Variants in LAMA5 observed in about 807,000 individuals in gnomAD.
LAMA5 encodes the protein laminin subunit alpha-5.
A neutral mutation model predicts 433.4 loss-of-function variants in LAMA5; 260 were observed. The ratio of observed to expected loss-of-function variants is 0.60; its 90% CI spans 0.54 to 0.66. LAMA5 has a LOEUF of 0.66. Ranked by LOEUF, LAMA5 falls within the 30% of genes least tolerant of loss-of-function variation. The pLI, the probability that LAMA5 is intolerant of heterozygous loss-of-function variation, is 0.00. For synonymous variants in LAMA5, 2,620 were observed against 2,226.6 expected (o/e 1.18, Z -4.97); for missense variants, 5,378 against 5,258.5 (o/e 1.02, Z -0.70).
At position 62,335,288 on chromosome 20, in the gene LAMA5, G is replaced by A. The variant is rs73313222; in HGVS notation, c.2324-19C>T. 103,331 of 1,610,748 alleles carry A rather than the reference G, an allele frequency of 0.064. 4,437 individuals carry two copies. The highest frequency in any genetic ancestry group is 0.17 in the South Asian group (15,082 of 90,948). On this transcript the variant is annotated intron_variant, in intron 18 of 79. Coordinates refer to ENST00000252999, the MANE Select transcript of LAMA5 (RefSeq NM_005560.6). ...CTGCAGCCTGGGGAGAGCAGGGCAG[G>A]ACTCAGATGCTTGGTGGGGCAGGAG...
chr20:62,332,980 T>C (rs1190985649), intron 26 of LAMA5, 110 bp downstream of exon 26: 16 of 892,498 alleles, frequency 1.8e-5, no homozygotes, highest in Admixed American at 1.7e-4. Context: ...CTGGGCTCCA[T>C]TGCCTGAGGC....
intron 1 of LAMA5, among the ~76,000 whole-genome samples, chr20:62,365,119 G>A (rs1986576607): frequency 6.6e-6 from 1 of 152,280 alleles, no homozygotes; most frequent in Non-Finnish European, 1.5e-5. Context: ...GCCTCAGCGG[G>A]CACTCACTGC....
chr20:62,340,914 A>T (rs944632110), intron 11 of LAMA5, among the ~76,000 whole-genome samples: 1 of 151,642 alleles, frequency 6.6e-6, no homozygotes, highest in Non-Finnish European at 1.5e-5. Context: ...GGGCGCCTAT[A>T]ATCAGTCCCA....
chr20:62,337,324 CAT>C (rs925517007), intron 16 of LAMA5, among the ~76,000 whole-genome samples: 15 of 152,216 alleles, frequency 9.9e-5, no homozygotes, highest in African/African-American at 2.2e-4. Context: ...ACAAGCAACA[CAT>C]GACACCCGTA....
chr20:62,362,153 G>A (rs915788791), intron 2 of LAMA5, among the ~76,000 whole-genome samples: 1 of 152,244 alleles, frequency 6.6e-6, no homozygotes, highest in African/African-American at 2.4e-5. Flanking sequence ...TGTGGCCTTT[G>A]GAAACACCCC....
chr20:62,349,577 C>T (rs549066386), intron 6 of LAMA5, among the ~76,000 whole-genome samples: 38 of 126,372 alleles, frequency 3.0e-4, no homozygotes, highest in Middle Eastern at 4.3e-3. Flanking sequence ...CAGACAATTC[C>T]GGATAGACTG....
intron 31 of LAMA5, 86 bp from the exon 32 acceptor site, chr20:62,330,002 A>G: frequency 6.6e-7 from 1 of 1,509,878 alleles, no homozygotes; most frequent in Non-Finnish European, 8.8e-7. Flanking sequence ...GCGTTGGGGC[A>G]GCCAAGGAGT....
At chr20:62,336,248 G>A (rs567446620) in intron 18 of LAMA5, 92 bp downstream of exon 18, 5 of 927,148 alleles carry the variant, frequency 5.4e-6, no homozygotes, top group Middle Eastern at 2.3e-4. Flanking sequence ...GCCCCTCCAG[G>A]AACCCTGCAC....
intron 28 of LAMA5, among the ~76,000 whole-genome samples, chr20:62,332,105 T>G (rs1980573282): frequency 6.6e-6 from 1 of 151,578 alleles, no homozygotes. Flanking sequence ...ACGCTGTCTG[T>G]GCCAGGAGGT....
Position 62,330,738 on chromosome 20 carries a change from C to G in LAMA5, c.3852+5G>C. 1 of 1,558,508 alleles carries G rather than the reference C, an allele frequency of 6.4e-7. No homozygotes were observed. The highest frequency in any genetic ancestry group is 1.2e-5 in the South Asian group (1 of 84,654). On this transcript the variant is annotated splice_donor_5th_base_variant and intron_variant, in intron 30 of 79. Transcript: ENST00000252999. ...CCCCGTCCCTCTAGAGACTATGGCCCTCACCTGGGGCTCACGCAGCAGGGT... is the reference window on the plus strand; with the variant it reads ...CCCCGTCCCTCTAGAGACTATGGCCGTCACCTGGGGCTCACGCAGCAGGGT...
At position 62,332,960 on chromosome 20, in the gene LAMA5, T is replaced by G. The variant is rs909504773; in HGVS notation, c.3282+130A>C. 4 of 155,426 alleles carry G rather than the reference T, an allele frequency of 2.6e-5. No individual in the cohort carries two copies. The Admixed American group carries it at 5.9e-4, about 23-fold the overall frequency. 9.6% of individuals were successfully genotyped at this position (155,426 alleles called of 1,614,324 possible). A position where few individuals can be genotyped will look rare whatever the true frequency, so the allele number is the denominator to read the frequency against. ...CAGGAGGCAGGAGGCAGGGGCGCCCTGCCTGGGTGCTGGGCTCCATTGCCT... is the reference window on the plus strand; with the variant it reads ...CAGGAGGCAGGAGGCAGGGGCGCCCGGCCTGGGTGCTGGGCTCCATTGCCT... On this transcript the variant is annotated intron_variant, in intron 26 of 79. Coordinates refer to ENST00000252999, the MANE Select transcript of LAMA5 (RefSeq NM_005560.6).
chr20:62,328,462 G>A lies in LAMA5; in HGVS notation c.4448-17C>T. On this transcript the variant is annotated splice_polypyrimidine_tract_variant and intron_variant, in intron 34 of 79. Transcript: ENST00000252999. ...AGTCACAGGCTGTGGGGCGGGTACA[G>A]GGTTTACTGACCCCTCTTCCCAGTC... The A allele has an allele frequency of 6.8e-7, 1 of 1,473,554 alleles. No homozygotes were observed. Among genetic ancestry groups the A allele is most frequent in the African/African-American group, 1.4e-5 (1 of 71,434 alleles). 91.3% of individuals were successfully genotyped at this position (1,473,554 alleles called of 1,614,324 possible).
At position 62,315,225 on chromosome 20, in the gene LAMA5, C is replaced by T; in HGVS notation, c.7868-18G>A. On this transcript the variant is annotated intron_variant, in intron 58 of 79. Transcript: ENST00000252999. ...TGTCTCGTCTGTGGTGGGCAGAGGG[C>T]AGGCTCAGCAGGGGCCAGCGGGGAC... The T allele has an allele frequency of 2.5e-6, 4 of 1,586,452 alleles. No homozygotes were observed. The highest frequency in any genetic ancestry group is 3.4e-6 in the Non-Finnish European group (4 of 1,165,428).
rs776623740 is a variant in LAMA5, at chr20:62,310,405, C to T, written c.10600+14G>A. 53 of 1,590,256 alleles carry T rather than the reference C, an allele frequency of 3.3e-5. No individual in the cohort carries two copies. Among genetic ancestry groups the T allele is most frequent in the Non-Finnish European group, 3.9e-5 (46 of 1,171,158 alleles). ...CCTGCCCTGCTGAGGCCTGGGATGC[C>T]AGCACCCACAGACCTAAAGTGATAA... On this transcript the variant is annotated intron_variant, in intron 76 of 79. Coordinates refer to ENST00000252999, the MANE Select transcript of LAMA5 (RefSeq NM_005560.6).
intron 32 of LAMA5, 109 bp from the exon 33 acceptor site, chr20:62,329,362 G>T: frequency 1.3e-6 from 1 of 763,870 alleles, no homozygotes; most frequent in Non-Finnish European, 2.1e-6. Flanking sequence ...AGTCCTGGCA[G>T]CAGCAGCCCA....
Position 62,312,891 on chromosome 20 carries a change from C to T in LAMA5, c.9075G>A (p.Lys3025=). ...CTGGTCCCCACCCTGGCCCTACCGC[C>T]TTGCTGGCCGAGGTCAGGGGCGGTG... ...QPPPPLTSAS[K]AIQVFLLGGS... Residue 3025 remains lysine (K), a synonymous_variant, in exon 66 of 80, where the codon AAG becomes AAA. Transcript: ENST00000252999. The T allele has an allele frequency of 1.9e-6, 3 of 1,587,900 alleles. No homozygotes were observed. The African/African-American group carries it at 4.0e-5, about 21-fold the overall frequency.
intron 28 of LAMA5, among the ~76,000 whole-genome samples, chr20:62,331,427 C>A (rs1277353448): frequency 6.6e-6 from 1 of 152,120 alleles, no homozygotes; most frequent in Non-Finnish European, 1.5e-5. Flanking sequence ...CCTCCTCCAG[C>A]TGCACAAACC....
intron 70 of LAMA5, 32 bp from the exon 71 acceptor site, chr20:62,311,816 T>TGGGGCCCCCCC: frequency 3.9e-6 from 6 of 1,520,982 alleles, no homozygotes; most frequent in South Asian, 1.2e-5. Context: ...GCTCGGTTTT[T>TGGGGCCCCCCC]CCCCACCCTG....
At chr20:62,319,149 C>T in intron 51 of LAMA5, 136 bp from the exon 52 acceptor site, 1 of 905,958 alleles carries the variant, frequency 1.1e-6, no homozygotes, top group South Asian at 1.8e-5. Context: ...ACCTGGGTGG[C>T]CCCTAGAGCA....
Sources: allele counts gnomAD v4.1 joint callset (sites outside exome capture counted in the v4.1 genomes callset), GRCh38; gene constraint gnomAD v4.1.1; transcripts MANE v1.5; gene names NCBI Gene and HGNC (gene_info 2026-07-23, HGNC 2026-07-21).